Variants in ZSWIM9 observed in about 807,000 individuals in gnomAD.
ZSWIM9 encodes zinc finger SWIM-type containing 9.
A neutral mutation model predicts 25.0 loss-of-function variants in ZSWIM9; 11 were observed. The observed-to-expected ratio is 0.44, with a 90% CI of 0.28 to 0.73. ZSWIM9 has a LOEUF of 0.73. Among genes scored for constraint, ZSWIM9 ranks in the 30% least tolerant of loss-of-function variants. The pLI is 0.16. For missense variants in ZSWIM9, 1,070 were observed against 1,296.5 expected (o/e 0.83, Z 2.68); for synonymous variants, 562 against 582.1 (o/e 0.97, Z 0.50).
At chr19:48,185,104 G>C (rs1018795238) in intron 3 of ZSWIM9, among the ~76,000 whole-genome samples, 1 of 151,802 alleles carries the variant, frequency 6.6e-6, no homozygotes, top group African/African-American at 2.4e-5. Context: ...ACCACGGTTG[G>C]CTCCTGCGTC....
intron 2 of ZSWIM9, among the ~76,000 whole-genome samples, chr19:48,175,379 C>T (rs1335631832): frequency 1.3e-5 from 2 of 152,132 alleles, no homozygotes; most frequent in East Asian, 1.9e-4. Flanking sequence ...GTCTAGCTCC[C>T]TCACTCTCTC....
rs1329961848 is a variant in ZSWIM9 at position 48,194,868 on chromosome 19, G to C, written c.804G>C (p.Pro268=). ...AACCVARPGT[P]SLLRFALASL... ...GCTGCGTGGCGCGCCCGGGCACACC[G>C]AGCCTGCTGCGCTTCGCGCTCGCGT... The change falls in exon 4 of 4, where the codon CCG becomes CCC. Residue 268 remains proline (P), a synonymous_variant. Transcript: ENST00000614654. This position sits in a 1 kb window ranked among gnomAD's most constrained non-coding sequence, Gnocchi z 6.0. 19 of 1,349,246 alleles carry C rather than the reference G, an allele frequency of 1.4e-5. No individual in the cohort carries two copies. In the East Asian group the frequency reaches 6.0e-4, roughly 43 times the overall value. 83.6% of individuals were successfully genotyped at this position (1,349,246 alleles called of 1,614,324 possible).
chr19:48,182,780 G>C lies in ZSWIM9; in HGVS notation c.588+13G>C, dbSNP rs1423701152. The C allele has an allele frequency of 6.6e-7, 1 of 1,515,746 alleles. No individual in the cohort carries two copies. Among genetic ancestry groups the C allele is most frequent in the Non-Finnish European group, 8.8e-7 (1 of 1,132,678 alleles). 93.9% of individuals were successfully genotyped at this position (1,515,746 alleles called of 1,614,324 possible). ...CCCCGAGGCCAAGGTGGGGTCTCGA[G>C]AGAGGCAGGCCGGGGGAGGGGGCGG... is the stretch of plus-strand genomic sequence containing the variant. On this transcript the variant is annotated intron_variant, in intron 3 of 3. Transcript: ENST00000614654. The surrounding 1 kb of genome is among the most constrained non-coding windows in gnomAD (Gnocchi z 4.6).
At chr19:48,187,472 A>ATATATTATATTATAATATATTATATAT (rs1227328824) in intron 3 of ZSWIM9, among the ~76,000 whole-genome samples, 1 of 83,410 alleles carries the variant, frequency 1.2e-5, no homozygotes, top group East Asian at 2.8e-4. Context: ...TATATATATT[A>ATATATTATATTATAATATATTATATAT]TATATATTAT....
At chr19:48,177,177 G>T (rs1436227431) in intron 2 of ZSWIM9, among the ~76,000 whole-genome samples, 1 of 152,214 alleles carries the variant, frequency 6.6e-6, no homozygotes, top group Non-Finnish European at 1.5e-5. Context: ...TGCTGGCTGT[G>T]AGGCCTGAAA....
chr19:48,179,503 A>G (rs1436480752), intron 2 of ZSWIM9, among the ~76,000 whole-genome samples: 2 of 151,996 alleles, frequency 1.3e-5, no homozygotes, highest in African/African-American at 4.8e-5. Flanking sequence ...GTTGGTTGCA[A>G]CTCTCTACAT....
chr19:48,195,027 C>A lies in ZSWIM9; in HGVS notation c.963C>A (p.Gly321=). The A allele has an allele frequency of 7.3e-7, 1 of 1,377,838 alleles. No individual in the cohort carries two copies. Among genetic ancestry groups the A allele is most frequent in the South Asian group, 1.5e-5 (1 of 68,312 alleles). The allele number at this position is 1,377,838 out of a possible 1,614,324, so 85.4% of individuals were successfully genotyped here. A position where few individuals can be genotyped will look rare whatever the true frequency, so the allele number is the denominator to read the frequency against. Residue 321 remains glycine (G), a synonymous_variant, in exon 4 of 4, where the codon GGC becomes GGA. Transcript: ENST00000614654. The surrounding 1 kb of genome is among the most constrained non-coding windows in gnomAD (Gnocchi z 5.8). ...GCGTGCAGATCTGCCGCGCGCAGGG[C>A]CTGGAGACGCTCTTCAGCAAGGCGC... ...CARVQICRAQ[G]LETLFSKAQE... is the part of the protein sequence containing the mutation.
In ZSWIM9 at chr19:48,197,271, T is replaced by C. The variant is rs1599941253; in HGVS notation, c.*444T>C. 1.5e-6 allele frequency: 1 copy of C among 651,674 alleles called. No individual in the cohort carries two copies. The highest frequency in any genetic ancestry group is 2.1e-5 in the African/African-American group (1 of 48,164). 40.4% of individuals were successfully genotyped at this position (651,674 alleles called of 1,614,324 possible). ...CAGAAGACAGATGAAGGAGAGGAGG[T>C]AAGCGAGAAAAAATGGAAAGGGGAG... On this transcript the variant is annotated 3_prime_UTR_variant, in exon 4 of 4. Coordinates refer to ENST00000614654, the MANE Select transcript of ZSWIM9 (RefSeq NM_199341.4).
chr19:48,180,908 C>G (rs2036941488), intron 2 of ZSWIM9: 2 of 150,548 alleles, frequency 1.3e-5, no homozygotes, highest in African/African-American at 4.9e-5. Context: ...CAGGTGTAAT[C>G]CCATTAGCCT....
chr19:48,177,469 T>C (rs1273362876), intron 2 of ZSWIM9, among the ~76,000 whole-genome samples: 2 of 152,092 alleles, frequency 1.3e-5, no homozygotes, highest in Non-Finnish European at 2.9e-5. Context: ...AGACAAAAAT[T>C]CCTATCCATG....
Position 48,196,552 on chromosome 19 carries a change from T to G in ZSWIM9, c.2488T>G (p.Cys830Gly), listed in dbSNP as rs1053494230. Residue 830 changes from cysteine to glycine, a missense_variant, in exon 4 of 4, where the codon TGC becomes GGC. Cys to Gly is a radical substitution (Grantham distance 159). Around this residue, in one of 4 missense-constraint regions of ZSWIM9, gnomAD observed 583 missense variants for 624.7 expected, o/e 0.93. Coordinates refer to ENST00000614654, the MANE Select transcript of ZSWIM9 (RefSeq NM_199341.4). ...WEPLAKFRAACGPELADLVAE... is the reference protein window; with the variant it reads ...WEPLAKFRAAGGPELADLVAE... ...ACCCCTGGCCAAATTCCGAGCAGCC[T>G]GCGGGCCAGAGCTGGCAGACCTGGT... 1 of 1,232,340 alleles carries G rather than the reference T, an allele frequency of 8.1e-7. No individual in the cohort carries two copies. The allele number at this position is 1,232,340 out of a possible 1,614,324, so 76.3% of individuals were successfully genotyped here. A position where few individuals can be genotyped will look rare whatever the true frequency, so the allele number is the denominator to read the frequency against.
At chr19:48,186,862 T>G (rs1385036122) in intron 3 of ZSWIM9, 1 of 152,554 alleles carries the variant, frequency 6.6e-6, no homozygotes, top group East Asian at 1.9e-4. Context: ...CATCTTCAGA[T>G]GGGCCAGATG....
intron 1 of ZSWIM9, chr19:48,171,156 C>T (rs2036797038): frequency 2.3e-6 from 2 of 867,396 alleles, no homozygotes; most frequent in African/African-American, 1.8e-5. Context: ...GCCCCAGCTA[C>T]AGCTGCATGT....
At position 48,196,981 on chromosome 19, in the gene ZSWIM9, T is replaced by C; in HGVS notation, c.*154T>C. On this transcript the variant is annotated 3_prime_UTR_variant, in exon 4 of 4. Coordinates refer to ENST00000614654, the MANE Select transcript of ZSWIM9 (RefSeq NM_199341.4). Reference sequence around the variant, plus strand: ...ACCTCCTCATGGCAGTTTGCCTCTCTGGGTCCAAGGGCAAGCTGTAAGTGG... The same window carrying C: ...ACCTCCTCATGGCAGTTTGCCTCTCCGGGTCCAAGGGCAAGCTGTAAGTGG... 1 of 752,500 alleles carries C rather than the reference T, an allele frequency of 1.3e-6. No individual in the cohort carries two copies. Among genetic ancestry groups the C allele is most frequent in the Non-Finnish European group, 1.9e-6 (1 of 522,924 alleles). The allele number at this position is 752,500 out of a possible 1,614,324, so 46.6% of individuals were successfully genotyped here.
At chr19:48,190,490 A>C (rs1252426600) in intron 3 of ZSWIM9, 3 of 154,858 alleles carry the variant, frequency 1.9e-5, no homozygotes, top group Non-Finnish European at 1.5e-5. Context: ...AGCCCAACGT[A>C]ATTACCATAT....
intron 3 of ZSWIM9, among the ~76,000 whole-genome samples, chr19:48,183,566 T>C (rs1414288692): frequency 6.6e-6 from 1 of 151,172 alleles, no homozygotes; most frequent in Non-Finnish European, 1.5e-5. Flanking sequence ...TGATGTAACA[T>C]CACTAGGGGC....
intron 1 of ZSWIM9, chr19:48,171,508 T>G: frequency 3.9e-6 from 2 of 509,736 alleles, no homozygotes; most frequent in Non-Finnish European, 5.1e-6. Context: ...GGAGGAGAGA[T>G]TCCAACTGTA....
In ZSWIM9 at chr19:48,172,023, G is replaced by C; in HGVS notation, c.221G>C (p.Ser74Thr). 1 of 1,534,912 alleles carries C rather than the reference G, an allele frequency of 6.5e-7. No individual in the cohort carries two copies. Among genetic ancestry groups the C allele is most frequent in the Non-Finnish European group, 8.7e-7 (1 of 1,146,040 alleles). The change falls in exon 2 of 4, where the codon AGC becomes ACC. Residue 74 changes from serine to threonine, a missense_variant. Coordinates refer to ENST00000614654, the MANE Select transcript of ZSWIM9 (RefSeq NM_199341.4). ...LYTLIDVLKY[S>T]YVRLVCKDVR... ...ACGCTCATCGACGTGCTCAAGTACAGCTACGTGCGGCTTGTGTGCAAGGAC... is the reference window on the plus strand; with the variant it reads ...ACGCTCATCGACGTGCTCAAGTACACCTACGTGCGGCTTGTGTGCAAGGAC...
intron 3 of ZSWIM9, chr19:48,191,972 G>A (rs1256842684): frequency 1.3e-5 from 2 of 154,690 alleles, no homozygotes; most frequent in African/African-American, 2.4e-5. Context: ...TGTGTGCCTC[G>A]GTGTCCTCAT....
Sources: allele counts gnomAD v4.1 joint callset (sites outside exome capture counted in the v4.1 genomes callset), GRCh38; gene constraint gnomAD v4.1.1; regional missense constraint gnomAD v4.1.1; non-coding constraint Gnocchi (gnomAD v3.1); transcripts MANE v1.5; gene names NCBI Gene and HGNC (gene_info 2026-07-23, HGNC 2026-07-21).